The following CAPRIN1 variants were observed in gnomAD, a reference collection of about 807,000 sequenced individuals.
CAPRIN1 encodes the protein cell cycle associated protein 1.
A neutral mutation model predicts 100.9 loss-of-function variants in CAPRIN1; 29 were observed. The ratio of observed to expected loss-of-function variants is 0.29; its 90% confidence interval spans 0.21 to 0.39. CAPRIN1 has a LOEUF of 0.39. Ranked by LOEUF, CAPRIN1 falls within the 10% of genes least tolerant of loss-of-function variation. The pLI, the probability that CAPRIN1 is intolerant of heterozygous loss-of-function variation, is 1.00. For missense variants in CAPRIN1, 795 were observed against 876.7 expected, an observed-to-expected ratio of 0.91 and a Z score of 1.18; for synonymous variants, 338 against 307.5, an observed-to-expected ratio of 1.10 and a Z score of -1.04.
chr11:34,072,906 G>GTTACA (rs1850830222), intron 4 of CAPRIN1, among the ~76,000 whole-genome samples: 1 of 152,144 alleles, frequency 6.6e-6, no homozygotes, highest in Non-Finnish European at 1.5e-5. Context: ...ATACCTCTGT[G>GTTACA]TTACAGTTGC....
chr11:34,097,788 C>T (rs1851395065), intron 18 of CAPRIN1, 27 bp downstream of exon 18: 2 of 1,613,802 alleles, frequency 1.2e-6, no homozygotes, highest in African/African-American at 1.3e-5. Context: ...GTGATCCTAG[C>T]TCCTAAGTGG....
In CAPRIN1 at chr11:34,089,960, G is replaced by C. The variant is rs992451127; in HGVS notation, c.1294-219G>C. On this transcript the variant is annotated intron_variant, in intron 12 of 18. Coordinates refer to ENST00000341394, the MANE Select transcript of CAPRIN1 (RefSeq NM_005898.5). ...TACTTGTGGAGGGCTTTTATAACGAGACTTGGGTTTATTTAACGTCGAGCT... is the reference window on the plus strand; with the variant it reads ...TACTTGTGGAGGGCTTTTATAACGACACTTGGGTTTATTTAACGTCGAGCT... 33 of 320,880 alleles carry C rather than the reference G, an allele frequency of 1.0e-4. 1 individual carries two copies. Among genetic ancestry groups the C allele is most frequent in the African/African-American group, 7.1e-4 (33 of 46,234 alleles). 19.9% of individuals were successfully genotyped at this position (320,880 alleles called of 1,614,324 possible).
chr11:34,087,403 G>A lies in CAPRIN1; in HGVS notation c.1231+990G>A, dbSNP rs1328829491. On this transcript the variant is annotated intron_variant, in intron 11 of 18. Transcript: ENST00000341394. ...GGCTGGAGTGCAGTGGCGCAATCTCGGCTCACTGCAAGCTCCGCCTCCCGG... is the reference window on the plus strand; with the variant it reads ...GGCTGGAGTGCAGTGGCGCAATCTCAGCTCACTGCAAGCTCCGCCTCCCGG... Among the ~76,000 whole-genome samples the A allele has an allele frequency of 4.7e-4, 50 of 105,986 alleles. 1 individual carries two copies. Among genetic ancestry groups the A allele is most frequent in the Non-Finnish European group, 2.8e-4 (15 of 53,532 alleles). The allele number at this position is 105,986 out of a possible 152,430, so 69.5% of individuals were successfully genotyped here. A position where few individuals can be genotyped will look rare whatever the true frequency, so the allele number is the denominator to read the frequency against.
At chr11:34,093,804 T>C (rs1590747283) in intron 15 of CAPRIN1, among the ~76,000 whole-genome samples, 1 of 114,064 alleles carries the variant, frequency 8.8e-6, no homozygotes, top group South Asian at 2.7e-4. Context: ...TTTTTTTTTT[T>C]GTATTTTTAG....
At chr11:34,069,519 T>C (rs1038996366) in intron 2 of CAPRIN1, among the ~76,000 whole-genome samples, 2 of 152,124 alleles carry the variant, frequency 1.3e-5, no homozygotes, top group East Asian at 3.8e-4. Flanking sequence ...ATTTTTAGCT[T>C]CCCAAGCTTA....
chr11:34,079,356 C>T lies in CAPRIN1; in HGVS notation c.689-272C>T, dbSNP rs184776334. 8.5e-5 allele frequency among the ~76,000 whole-genome samples: 13 copies of T among 152,252 alleles called. No individual in the cohort carries two copies. In the East Asian group the frequency reaches 1.9e-3, roughly 23 times the overall value. On this transcript the variant is annotated intron_variant, in intron 6 of 18. Transcript: ENST00000341394. Reference sequence around the variant, plus strand: ...CAGAGGTTGCAGTGAGCTGAGATAACGCCACTGCACTCCAGCCTGGGTTTC... The same window carrying T: ...CAGAGGTTGCAGTGAGCTGAGATAATGCCACTGCACTCCAGCCTGGGTTTC...
At chr11:34,070,167 A>G (rs1850781401) in intron 2 of CAPRIN1, among the ~76,000 whole-genome samples, 3 of 152,102 alleles carry the variant, frequency 2.0e-5, no homozygotes, top group East Asian at 1.9e-4. Context: ...CATTACCTGA[A>G]TATCTGTGGG....
At chr11:34,096,242 C>T (rs1851365332) in intron 15 of CAPRIN1, 2 of 400,030 alleles carry the variant, frequency 5.0e-6, no homozygotes, top group Non-Finnish European at 8.9e-6. Flanking sequence ...AATCATGCAC[C>T]CTGCTTTCAA....
Position 34,096,517 on chromosome 11 carries a change from C to G in CAPRIN1, c.1744C>G (p.Gln582Glu), listed in dbSNP as rs148571717. ...TYHGSPDQSH[Q>E]VTGNHQQPPQ... ...CCATGGTTCCCCAGACCAGTCCCAT[C>G]AAGTGACTGGTAACCACCAGCAGCC... The change falls in exon 16 of 19, where the codon CAA becomes GAA. Residue 582 changes from glutamine (Q) to glutamate (E), a missense_variant. Coordinates refer to ENST00000341394, the MANE Select transcript of CAPRIN1 (RefSeq NM_005898.5). 6.2e-7 allele frequency: 1 copy of G among 1,613,944 alleles called. No individual in the cohort carries two copies. The highest frequency in any genetic ancestry group is 8.5e-7 in the Non-Finnish European group (1 of 1,179,854).
chr11:34,086,183 T>G lies in CAPRIN1; in HGVS notation c.1086T>G (p.Leu362=). The G allele has an allele frequency of 6.2e-7, 1 of 1,614,160 alleles. No individual in the cohort carries two copies. The highest frequency in any genetic ancestry group is 2.2e-5 in the East Asian group (1 of 44,888). Residue 362 remains leucine (L), a synonymous_variant, in exon 10 of 19, where the codon CTT becomes CTG. Transcript: ENST00000341394. ...TGAGAAGACAGCGAGTACAAGACCT[T>G]ATGGCACAAATGCAGGGTCCCTATA... is the stretch of plus-strand genomic sequence containing the variant. ...PLVRRQRVQD[L]MAQMQGPYNF...
At chr11:34,057,879 C>T (rs773940956) in intron 2 of CAPRIN1, among the ~76,000 whole-genome samples, 31 of 151,834 alleles carry the variant, frequency 2.0e-4, no homozygotes, top group Non-Finnish European at 4.0e-4. Context: ...CCACCACGCC[C>T]GGCTAATTTT....
chr11:34,079,554 T>C, intron 6 of CAPRIN1, 74 bp from the exon 7 acceptor site: 1 of 1,214,992 alleles, frequency 8.2e-7, no homozygotes, highest in South Asian at 1.3e-5. Flanking sequence ...CAATATTTTA[T>C]AGAATGTTGG....
At chr11:34,099,194 A>T in intron 18 of CAPRIN1, 109 bp from the exon 19 acceptor site, 4 of 1,538,718 alleles carry the variant, frequency 2.6e-6, no homozygotes, top group Non-Finnish European at 2.7e-6. Flanking sequence ...TAAGCCTAAT[A>T]ATGTGGTGAC....
intron 7 of CAPRIN1, among the ~76,000 whole-genome samples, chr11:34,080,089 A>AT (rs1200685774): frequency 6.6e-6 from 1 of 151,618 alleles, no homozygotes; most frequent in Non-Finnish European, 1.5e-5. Flanking sequence ...ACGCCCGGCT[A>AT]TTTTTTTGAA....
intron 14 of CAPRIN1, 59 bp downstream of exon 14, chr11:34,090,737 C>CT: frequency 6.6e-7 from 1 of 1,520,814 alleles, no homozygotes; most frequent in East Asian, 2.3e-5. Context: ...GGTAGATTTT[C>CT]TTTTCTTTTT....
intron 2 of CAPRIN1, among the ~76,000 whole-genome samples, chr11:34,060,795 G>A (rs1188861055): frequency 6.6e-6 from 1 of 152,166 alleles, no homozygotes; most frequent in Non-Finnish European, 1.5e-5. Flanking sequence ...TGGTGGGGAT[G>A]TAATTTTTTT....
chr11:34,071,678 T>G, intron 2 of CAPRIN1, 48 bp from the exon 3 acceptor site: 1 of 1,312,892 alleles, frequency 7.6e-7, no homozygotes, highest in South Asian at 1.2e-5. Flanking sequence ...CTTAAGCTGG[T>G]ATATACCTTC....
Position 34,086,393 on chromosome 11 carries a change from C to T in CAPRIN1, c.1211C>T (p.Pro404Leu). ...PMNPTQNMDM[P>L]QLVCPPVHSE... Reference sequence around the variant, plus strand: ...AATCCAACACAAAACATGGACATGCCCCAGCTGGTTTGCCCTCCAGGTTAG... The same window carrying T: ...AATCCAACACAAAACATGGACATGCTCCAGCTGGTTTGCCCTCCAGGTTAG... The change falls in exon 11 of 19, where the codon CCC becomes CTC. Residue 404 changes from proline (P) to leucine (L), a missense_variant. Pro to Leu is a moderately conservative substitution (Grantham distance 98). Transcript: ENST00000341394. 1 of 1,612,248 alleles carries T rather than the reference C, an allele frequency of 6.2e-7. No homozygotes were observed. The highest frequency in any genetic ancestry group is 8.5e-7 in the Non-Finnish European group (1 of 1,178,724).
At chr11:34,093,790 ATT>A (rs11291246) in intron 15 of CAPRIN1, among the ~76,000 whole-genome samples, 222 of 143,110 alleles carry the variant, frequency 1.6e-3, no homozygotes, top group Middle Eastern at 3.5e-3. Flanking sequence ...TGCCTGGCTA[ATT>A]TTTTTTTTTT....
Sources: gnomAD v4.1 joint callset for allele counts (sites outside exome capture counted in the v4.1 genomes callset) on GRCh38, gnomAD v4.1.1 for gene constraint, MANE v1.5 for transcripts, NCBI Gene and HGNC (gene_info 2026-07-23, HGNC 2026-07-21) for gene names.